MCTP2: variants seen among roughly 807,000 people sequenced by gnomAD.
MCTP2 encodes the protein multiple C2 and transmembrane domain-containing protein 2.
Under a neutral mutation model 111.6 loss-of-function variants are expected in MCTP2, and 132 were observed. The ratio of observed to expected loss-of-function variants is 1.18; its 90% CI spans 1.03 to 1.37. MCTP2 has a LOEUF of 1.37. Ranked by LOEUF, MCTP2 falls within the 40% of genes most tolerant of loss-of-function variation. The pLI is 0.00. For missense variants in MCTP2, 1,183 were observed against 1,067.9 expected, an observed-to-expected ratio of 1.11 and a Z score of -1.50; for synonymous variants, 395 against 387.7, an observed-to-expected ratio of 1.02 and a Z score of -0.22.
At chr15:94,367,847 A>G (rs962760334) in intron 11 of MCTP2, 56 bp downstream of exon 11, 13 of 1,444,750 alleles carry the variant, frequency 9.0e-6, no homozygotes, top group Admixed American at 4.9e-5. Context: ...CTTTTAAAAC[A>G]AAGTCTTTAT....
intron 3 of MCTP2, chr15:94,314,778 C>A (rs781060380): frequency 4.4e-6 from 2 of 457,172 alleles, no homozygotes; most frequent in Non-Finnish European, 8.8e-6. Context: ...TCATGTAATA[C>A]ATATTCAAAA....
At chr15:94,466,392 A>G (rs1473332043) in intron 20 of MCTP2, among the ~76,000 whole-genome samples, 3 of 152,124 alleles carry the variant, frequency 2.0e-5, no homozygotes, top group Admixed American at 2.0e-4. Flanking sequence ...ACCTTGGGAT[A>G]CTACCAGTCC....
At chr15:94,244,710 G>C (rs964192080) in intron 1 of MCTP2, among the ~76,000 whole-genome samples, 5 of 146,928 alleles carry the variant, frequency 3.4e-5, no homozygotes, top group East Asian at 2.1e-4. Flanking sequence ...ACATACATAT[G>C]CACCTATGTT....
intron 10 of MCTP2, among the ~76,000 whole-genome samples, chr15:94,365,878 T>G (rs1002695656): frequency 2.0e-5 from 3 of 152,168 alleles, no homozygotes; most frequent in African/African-American, 7.2e-5. Flanking sequence ...ACATTGTGAT[T>G]AGCAGAGAAA....
At chr15:94,435,626 A>ATTT (rs1287049287) in intron 17 of MCTP2, among the ~76,000 whole-genome samples, 1 of 132,256 alleles carries the variant, frequency 7.6e-6, no homozygotes, top group African/African-American at 2.8e-5. Context: ...TACTTTTTTT[A>ATTT]TTCTTTTTTT....
intron 1 of MCTP2, among the ~76,000 whole-genome samples, chr15:94,252,471 A>T (rs1039466116): frequency 6.6e-6 from 1 of 152,290 alleles, no homozygotes; most frequent in East Asian, 1.9e-4. Context: ...AAAGATCTGG[A>T]TTCTAGTAAT....
intron 1 of MCTP2, among the ~76,000 whole-genome samples, chr15:94,266,336 T>C (rs1596224104): frequency 6.6e-6 from 1 of 152,202 alleles, no homozygotes; most frequent in East Asian, 1.9e-4. Flanking sequence ...TCGTTTGTAT[T>C]TTTATTATTA....
chr15:94,440,219 C>A lies in MCTP2; in HGVS notation c.2129C>A (p.Pro710His), dbSNP rs774096672. 1 of 1,614,016 alleles carries A rather than the reference C, an allele frequency of 6.2e-7. No individual in the cohort carries two copies. The highest frequency in any genetic ancestry group is 8.5e-7 in the Non-Finnish European group (1 of 1,179,956). ...TGGAATTTTGAACTATATATGATCC[C>A]CTTGGCATTGTTGCTGATCTTTGTC... ...TVWNFELYMIPLALLLIFVYN... is the reference protein window; with the variant it reads ...TVWNFELYMIHLALLLIFVYN... The change falls in exon 18 of 23, where the codon CCC (proline) becomes CAC (histidine). Residue 710 changes from proline (P) to histidine (H), a missense_variant. Transcript: ENST00000357742.
intron 17 of MCTP2, among the ~76,000 whole-genome samples, chr15:94,420,240 C>T (rs1035673755): frequency 6.6e-6 from 1 of 152,118 alleles, no homozygotes; most frequent in African/African-American, 2.4e-5. Flanking sequence ...TATCACTGCT[C>T]ATCGAACATG....
intron 4 of MCTP2, among the ~76,000 whole-genome samples, chr15:94,325,973 C>T (rs1259420347): frequency 6.6e-6 from 1 of 151,894 alleles, no homozygotes; most frequent in Non-Finnish European, 1.5e-5. Context: ...GCATGCGCCA[C>T]CATGCCCAGC....
intron 21 of MCTP2, 120 bp downstream of exon 21, chr15:94,470,562 G>A (rs940284050): frequency 8.7e-6 from 7 of 805,068 alleles, no homozygotes; most frequent in African/African-American, 3.4e-5. Context: ...ATGAGATTAA[G>A]GAAAGCATTT....
At chr15:94,400,079 C>A in intron 16 of MCTP2, 84 bp downstream of exon 16, 1 of 1,217,322 alleles carries the variant, frequency 8.2e-7, no homozygotes, top group South Asian at 1.2e-5. Flanking sequence ...GTAATTTCTT[C>A]CTTGAAACTT....
intron 20 of MCTP2, among the ~76,000 whole-genome samples, chr15:94,468,523 G>GACCAATAGGCATATT (rs1462027246): frequency 6.6e-6 from 1 of 151,886 alleles, no homozygotes; most frequent in Non-Finnish European, 1.5e-5. Flanking sequence ...AAATTAAAAT[G>GACCAATAGGCATATT]ACCAATAGGC....
intron 1 of MCTP2, among the ~76,000 whole-genome samples, chr15:94,268,256 C>G (rs1353722772): frequency 6.7e-6 from 1 of 150,328 alleles, no homozygotes; most frequent in African/African-American, 2.4e-5. Context: ...ATCTCGGCCA[C>G]TGCAACCTCC....
chr15:94,243,812 T>C (rs1362828992), intron 1 of MCTP2, among the ~76,000 whole-genome samples: 1 of 148,400 alleles, frequency 6.7e-6, no homozygotes, highest in East Asian at 2.0e-4. Flanking sequence ...CGTATATACA[T>C]ATATGTATAC....
intron 10 of MCTP2, among the ~76,000 whole-genome samples, chr15:94,360,168 T>C (rs1279508793): frequency 2.0e-5 from 3 of 152,204 alleles, no homozygotes; most frequent in Non-Finnish European, 4.4e-5. Flanking sequence ...ACATCTCTGG[T>C]TGCATTACTT....
intron 17 of MCTP2, among the ~76,000 whole-genome samples, chr15:94,403,729 C>T (rs1443561561): frequency 1.3e-5 from 2 of 152,192 alleles, no homozygotes; most frequent in African/African-American, 2.4e-5. Context: ...TGAGGGATTC[C>T]TCACTGCTGA....
intron 17 of MCTP2, among the ~76,000 whole-genome samples, chr15:94,410,566 T>C (rs2082110414): frequency 6.7e-6 from 1 of 150,374 alleles, no homozygotes. Context: ...AAAGAAGAGG[T>C]ATTTTATTTC....
chr15:94,297,966 T>C (rs2075352897), intron 1 of MCTP2, among the ~76,000 whole-genome samples: 1 of 152,184 alleles, frequency 6.6e-6, no homozygotes, highest in Admixed American at 6.5e-5. Context: ...ATCTCATTCT[T>C]CGTTTTAATG....
Sources: allele counts gnomAD v4.1 joint callset (sites outside exome capture counted in the v4.1 genomes callset), GRCh38; gene constraint gnomAD v4.1.1; transcripts MANE v1.5; gene names NCBI Gene and HGNC (gene_info 2026-07-23, HGNC 2026-07-21).